The following NBAS variants were observed in gnomAD, a reference collection of about 807,000 sequenced individuals.
The protein encoded by NBAS is NAG/BC035112 fusion.
A neutral mutation model predicts 302.5 loss-of-function variants in NBAS; 219 were observed. The observed-to-expected ratio is 0.72, with a 90% CI of 0.65 to 0.81. NBAS has a LOEUF of 0.81. Among genes scored for constraint, NBAS ranks in the 30% least tolerant of loss-of-function variants. The pLI is 0.00. For missense variants in NBAS, 2,932 were observed against 2,841.6 expected, an observed-to-expected ratio of 1.03 and a Z score of -0.72; for synonymous variants, 1,118 against 1,021.6, an observed-to-expected ratio of 1.09 and a Z score of -1.80.
chr2:15,080,359 C>T, the NBAS span, among the ~76,000 whole-genome samples: 9 of 152,224 alleles, frequency 5.9e-5, no homozygotes, highest in Non-Finnish European at 1.2e-4. Context: ...AGAGCCACAG[C>T]CATCCCTAAA....
chr2:14,808,635 C>A, the NBAS span, among the ~76,000 whole-genome samples: 5 of 152,162 alleles, frequency 3.3e-5, no homozygotes, highest in Non-Finnish European at 5.9e-5. Context: ...AAGTAAATTG[C>A]CCAGTCTTGG....
chr2:14,984,323 A>G, the NBAS span, among the ~76,000 whole-genome samples: 1 of 152,068 alleles, frequency 6.6e-6, no homozygotes, highest in Non-Finnish European at 1.5e-5. Flanking sequence ...GCAATTCTCT[A>G]TGACTCCCAT....
intron 26 of NBAS, among the ~76,000 whole-genome samples, chr2:15,401,811 G>C (rs1037122567): frequency 1.3e-5 from 2 of 152,094 alleles, no homozygotes; most frequent in African/African-American, 4.8e-5. Context: ...AATATAATTA[G>C]CCAATAAATA....
the NBAS span, among the ~76,000 whole-genome samples, chr2:15,025,826 T>A: frequency 2.6e-5 from 4 of 152,222 alleles, no homozygotes; most frequent in African/African-American, 9.6e-5. Flanking sequence ...ATCCTGAAAC[T>A]TCAATAAAGT....
chr2:15,356,725 G>A (rs1394675056), intron 32 of NBAS, among the ~76,000 whole-genome samples: 3 of 152,170 alleles, frequency 2.0e-5, no homozygotes, highest in African/African-American at 7.2e-5. Flanking sequence ...AAGGGAAAGA[G>A]AAGAAAATTT....
intron 25 of NBAS, among the ~76,000 whole-genome samples, chr2:15,413,903 T>G (rs1327446377): frequency 2.0e-5 from 3 of 152,218 alleles, no homozygotes; most frequent in African/African-American, 7.2e-5. Context: ...CTGTATGTTT[T>G]GTTCAAAAGG....
chr2:15,337,118 T>TA (rs918899724), intron 35 of NBAS, among the ~76,000 whole-genome samples: 4 of 152,132 alleles, frequency 2.6e-5, no homozygotes, highest in African/African-American at 9.7e-5. Context: ...TACAAACAAT[T>TA]AAAAAATCCA....
chr2:15,076,915 A>G, the NBAS span, among the ~76,000 whole-genome samples: 1 of 152,242 alleles, frequency 6.6e-6, no homozygotes, highest in East Asian at 1.9e-4. Flanking sequence ...CAAGAATGAC[A>G]CTAAACAATC....
chr2:15,080,078 T>A, the NBAS span, among the ~76,000 whole-genome samples: 2 of 152,034 alleles, frequency 1.3e-5, no homozygotes, highest in Non-Finnish European at 2.9e-5. Flanking sequence ...CCCACCCTCA[T>A]CCCATGAGCC....
chr2:15,148,721 G>A, the NBAS span, among the ~76,000 whole-genome samples: 35,612 of 152,014 alleles, frequency 0.23, 4,385 homozygotes, highest in Middle Eastern at 0.32. Context: ...AATTAATATC[G>A]CAAGTACACT....
the NBAS span, among the ~76,000 whole-genome samples, chr2:14,974,555 C>T: frequency 6.6e-6 from 1 of 152,194 alleles, no homozygotes; most frequent in Middle Eastern, 3.2e-3. Flanking sequence ...TATTTGCAGT[C>T]CCTGTTTCTT....
chr2:14,981,714 T>C, the NBAS span, among the ~76,000 whole-genome samples: 1 of 152,218 alleles, frequency 6.6e-6, no homozygotes, highest in Non-Finnish European at 1.5e-5. Flanking sequence ...TCTGCTATAT[T>C]CACTCTTTCT....
At chr2:14,966,371 A>G in the NBAS span, among the ~76,000 whole-genome samples, 1 of 152,356 alleles carries the variant, frequency 6.6e-6, no homozygotes, top group East Asian at 1.9e-4. Context: ...CTTGTTAAAA[A>G]TAACATATGA....
the NBAS span, among the ~76,000 whole-genome samples, chr2:15,154,364 A>G: frequency 1.3e-5 from 2 of 152,192 alleles, no homozygotes; most frequent in Admixed American, 6.5e-5. Context: ...ATGATGCTGT[A>G]GCGGGACAGA....
the NBAS span, among the ~76,000 whole-genome samples, chr2:14,949,236 C>T: frequency 6.6e-6 from 1 of 152,074 alleles, no homozygotes; most frequent in African/African-American, 2.4e-5. Context: ...CAAAAGTAGA[C>T]AAATTTGATT....
chr2:14,927,301 C>T, the NBAS span, among the ~76,000 whole-genome samples: 1 of 152,216 alleles, frequency 6.6e-6, no homozygotes, highest in African/African-American at 2.4e-5. Flanking sequence ...AGAATCCTGA[C>T]TAATCCAAAG....
At position 15,504,202 on chromosome 2, in the gene NBAS, T is replaced by C; in HGVS notation, c.897A>G (p.Thr299=). 1.9e-6 allele frequency: 3 copies of C among 1,612,462 alleles called. No homozygotes were observed. The highest frequency in any genetic ancestry group is 1.7e-6 in the Non-Finnish European group (2 of 1,178,566). Residue 299 remains threonine (T), a synonymous_variant, in exon 11 of 52, where the codon ACA becomes ACG. Coordinates refer to ENST00000281513, the MANE Select transcript of NBAS (RefSeq NM_015909.4). ...GGDGVTAVPK[T]LGLLRMLSVK... is the part of the protein sequence containing the mutation. ...CACTTAACATCCTTAATAATCCCAG[T>C]GTCTTCGGTACCTGCAAAATAAATG...
intron 40 of NBAS, among the ~76,000 whole-genome samples, chr2:15,299,743 G>C (rs1670711882): frequency 6.6e-6 from 1 of 151,962 alleles, no homozygotes; most frequent in Non-Finnish European, 1.5e-5. Context: ...CAATTACAAA[G>C]GTAAGATATG....
the NBAS span, among the ~76,000 whole-genome samples, chr2:14,880,038 A>C: frequency 6.6e-6 from 1 of 152,208 alleles, no homozygotes; most frequent in Non-Finnish European, 1.5e-5. Context: ...CCAACCTGAA[A>C]GAAGAGCCAT....
Sources: gnomAD v4.1 joint callset for allele counts (sites outside exome capture counted in the v4.1 genomes callset) on GRCh38, gnomAD v4.1.1 for gene constraint, MANE v1.5 for transcripts, NCBI Gene and HGNC (gene_info 2026-07-23, HGNC 2026-07-21) for gene names.